Variants in DDX10 observed in about 807,000 individuals in gnomAD.
DDX10 encodes the protein DEAD-box helicase 10.
In DDX10, 74 loss-of-function variants were observed where a neutral mutation model predicts 104.3. The observed-to-expected ratio is 0.71, with a 90% CI of 0.59 to 0.86. The LOEUF (loss-of-function observed/expected upper bound fraction) is 0.86, where lower values mean the gene tolerates loss of function less well. DDX10 is among the 40% of genes least tolerant of loss of function. The pLI is 0.00. For synonymous variants in DDX10, 351 were observed against 353.4 expected (o/e 0.99, Z 0.08); for missense variants, 952 against 1,040.0 (o/e 0.92, Z 1.16).
chr11:108,867,611 C>G (rs948774518), intron 16 of DDX10, among the ~76,000 whole-genome samples: 5 of 152,146 alleles, frequency 3.3e-5, no homozygotes, highest in African/African-American at 1.2e-4. Flanking sequence ...TGAGCAAGGC[C>G]CACACCCATA....
chr11:108,736,882 A>C (rs1297189882), intron 13 of DDX10, among the ~76,000 whole-genome samples: 1 of 152,200 alleles, frequency 6.6e-6, no homozygotes, highest in Non-Finnish European at 1.5e-5. Flanking sequence ...CAAGTTCTCT[A>C]GTTGAATTGT....
chr11:108,826,602 G>T (rs1288500279), intron 13 of DDX10, among the ~76,000 whole-genome samples: 3 of 152,194 alleles, frequency 2.0e-5, no homozygotes, highest in Non-Finnish European at 1.5e-5. Context: ...GATAGGAGTA[G>T]AAACTGTAAC....
intron 13 of DDX10, among the ~76,000 whole-genome samples, chr11:108,810,041 T>C (rs1213497793): frequency 6.6e-6 from 1 of 152,222 alleles, no homozygotes; most frequent in Admixed American, 6.5e-5. Flanking sequence ...TCTTAGGTCA[T>C]TCATAAATGT....
rs147282422 is a variant in DDX10 at position 108,835,952 on chromosome 11, G to A, written c.1966-2494G>A. 5.4e-3 allele frequency among the ~76,000 whole-genome samples: 818 copies of A among 152,144 alleles called. 11 individuals are homozygous for A. Among genetic ancestry groups the A allele is most frequent in the African/African-American group, 0.019 (774 of 41,498 alleles). Reference sequence around the variant, plus strand: ...AGTTTCAGAAAGTTTGTGTTAATTGGCCTTACGGTCCCCGCCCCCAGACCC... The same window carrying A: ...AGTTTCAGAAAGTTTGTGTTAATTGACCTTACGGTCCCCGCCCCCAGACCC... On this transcript the variant is annotated intron_variant, in intron 13 of 17. Transcript: ENST00000322536.
Position 108,924,876 on chromosome 11 carries a change from T to C in DDX10, c.2450+6858T>C, listed in dbSNP as rs531557023. On this transcript the variant is annotated intron_variant, in intron 17 of 17. Coordinates refer to ENST00000322536, the MANE Select transcript of DDX10 (RefSeq NM_004398.4). The stretch of plus-strand genomic sequence containing the variant: ...CTAGGTGATTGTTTAAAAAAACTAC[T>C]ATTCACTGCAGTTTCCAATTACTTG... Among the ~76,000 whole-genome samples the C allele has an allele frequency of 6.6e-5, 10 of 152,356 alleles. No homozygotes were observed. The South Asian group carries it at 2.1e-3, about 32-fold the overall frequency.
chr11:108,707,174 G>T (rs2134462064), intron 10 of DDX10, among the ~76,000 whole-genome samples: 1 of 152,194 alleles, frequency 6.6e-6, no homozygotes, highest in South Asian at 2.1e-4. Flanking sequence ...TCCATTCTGT[G>T]TGCTTGCACA....
At chr11:108,792,486 A>T (rs2134549352) in intron 13 of DDX10, among the ~76,000 whole-genome samples, 1 of 152,326 alleles carries the variant, frequency 6.6e-6, no homozygotes, top group Non-Finnish European at 1.5e-5. Flanking sequence ...TAGATATCAG[A>T]TTGTTTTAGC....
At chr11:108,802,687 C>T (rs190769248) in intron 13 of DDX10, among the ~76,000 whole-genome samples, 9 of 152,196 alleles carry the variant, frequency 5.9e-5, no homozygotes, top group East Asian at 3.9e-4. Flanking sequence ...GAGTTGTTTC[C>T]ATTGCATGGA....
chr11:108,909,572 C>G (rs1012248717), intron 16 of DDX10, among the ~76,000 whole-genome samples: 1 of 152,114 alleles, frequency 6.6e-6, no homozygotes, highest in Non-Finnish European at 1.5e-5. Context: ...TAAGTAAAAC[C>G]CTTTCCTGAG....
intron 13 of DDX10, among the ~76,000 whole-genome samples, chr11:108,748,582 CAGTA>C (rs957734356): frequency 2.6e-5 from 4 of 152,138 alleles, no homozygotes; most frequent in Admixed American, 6.5e-5. Flanking sequence ...AAATAGAAAT[CAGTA>C]AGACATCTAG....
chr11:108,778,851 T>C (rs2094373851), intron 13 of DDX10, among the ~76,000 whole-genome samples: 1 of 151,468 alleles, frequency 6.6e-6, no homozygotes, highest in South Asian at 2.1e-4. Context: ...CAAGAAAAAG[T>C]CAACCCCATC....
At chr11:108,740,614 G>GTGC (rs911508285) in intron 13 of DDX10, among the ~76,000 whole-genome samples, 1 of 152,108 alleles carries the variant, frequency 6.6e-6, no homozygotes, top group African/African-American at 2.4e-5. Context: ...CAGTATATAA[G>GTGC]TGCTCCCTTT....
intron 16 of DDX10, among the ~76,000 whole-genome samples, chr11:108,857,215 G>A (rs768881369): frequency 2.6e-5 from 4 of 151,694 alleles, no homozygotes; most frequent in African/African-American, 4.8e-5. Flanking sequence ...AAAACAAATC[G>A]CATCCATGAT....
intron 16 of DDX10, among the ~76,000 whole-genome samples, chr11:108,902,982 C>T (rs548680398): frequency 3.9e-4 from 60 of 152,222 alleles, no homozygotes; most frequent in African/African-American, 1.2e-3. Context: ...AACAGGCAGT[C>T]TTCAAAAAGT....
At chr11:108,671,238 A>G (rs1370741287) in intron 1 of DDX10, among the ~76,000 whole-genome samples, 2 of 152,214 alleles carry the variant, frequency 1.3e-5, no homozygotes, top group Non-Finnish European at 2.9e-5. Context: ...ATCTCTGCTC[A>G]CCACAACCTC....
intron 13 of DDX10, among the ~76,000 whole-genome samples, chr11:108,734,720 G>A (rs554357115): frequency 2.4e-4 from 37 of 152,142 alleles, no homozygotes; most frequent in South Asian, 2.1e-3. Flanking sequence ...TTTACAGGCC[G>A]TATTTATCTT....
At chr11:108,846,981 T>A in intron 15 of DDX10, among the ~76,000 whole-genome samples, 1 of 152,224 alleles carries the variant, frequency 6.6e-6, no homozygotes, top group East Asian at 1.9e-4. Flanking sequence ...TTAGTTGCTC[T>A]TCATGAGTTG....
intron 1 of DDX10, among the ~76,000 whole-genome samples, chr11:108,667,887 C>T (rs1158169077): frequency 3.9e-5 from 6 of 152,136 alleles, no homozygotes; most frequent in Admixed American, 6.6e-5. Context: ...CAACTGTCTG[C>T]GATGATTGGC....
chr11:108,700,947 C>G (rs1256289807), intron 9 of DDX10, among the ~76,000 whole-genome samples: 1 of 151,160 alleles, frequency 6.6e-6, no homozygotes, highest in African/African-American at 2.4e-5. Flanking sequence ...CCCATAAATC[C>G]TTGTTCTTAG....
Sources: gnomAD v4.1 joint callset for allele counts (sites outside exome capture counted in the v4.1 genomes callset) on GRCh38, gnomAD v4.1.1 for gene constraint, MANE v1.5 for transcripts, NCBI Gene and HGNC (gene_info 2026-07-23, HGNC 2026-07-21) for gene names.